ME1: variants seen among roughly 807,000 people sequenced by gnomAD.
The protein encoded by ME1 is NADP-dependent malic enzyme.
Under a neutral mutation model 66.4 loss-of-function variants are expected in ME1, and 74 were observed. The observed-to-expected ratio is 1.11, with a 90% CI of 0.92 to 1.35. The LOEUF is 1.35. Ranked by LOEUF, ME1 falls within the 40% of genes most tolerant of loss-of-function variation. The pLI, the probability that ME1 is intolerant of heterozygous loss-of-function variation, is 0.00. For synonymous variants in ME1, 251 were observed against 235.6 expected (o/e 1.07, Z -0.60); for missense variants, 750 against 694.1 (o/e 1.08, Z -0.90).
intron 6 of ME1, among the ~76,000 whole-genome samples, chr6:83,294,145 T>G (rs1305404157): frequency 6.6e-6 from 1 of 152,206 alleles, no homozygotes; most frequent in Non-Finnish European, 1.5e-5. Flanking sequence ...GAAATTCTTT[T>G]GCCACTGAAA....
chr6:83,330,573 GA>G (rs1370450889), intron 5 of ME1, among the ~76,000 whole-genome samples: 1 of 152,174 alleles, frequency 6.6e-6, no homozygotes, highest in African/African-American at 2.4e-5. Flanking sequence ...AAGTTATTTC[GA>G]ACTTGTATTA....
At chr6:83,262,213 G>A (rs1179728883) in intron 6 of ME1, among the ~76,000 whole-genome samples, 1 of 152,020 alleles carries the variant, frequency 6.6e-6, no homozygotes, top group Non-Finnish European at 1.5e-5. Flanking sequence ...ATGTGAAAGA[G>A]GGAACATCAT....
rs975818312 is a variant in ME1 at position 83,348,830 on chromosome 6, A to G, written c.439-2496T>C. 1.1e-4 allele frequency among the ~76,000 whole-genome samples: 16 copies of G among 151,824 alleles called. No homozygotes were observed. The East Asian group carries it at 3.1e-3, about 29-fold the overall frequency. On this transcript the variant is annotated intron_variant, in intron 4 of 13. Transcript: ENST00000369705. ...TGGCAAAACCCCGTTTCTACTAAAAACACAAAAATTACCTGGGCGTGGTGG... is the reference window on the plus strand; with the variant it reads ...TGGCAAAACCCCGTTTCTACTAAAAGCACAAAAATTACCTGGGCGTGGTGG...
intron 6 of ME1, among the ~76,000 whole-genome samples, chr6:83,283,460 T>C (rs1049410013): frequency 4.6e-5 from 7 of 151,832 alleles, no homozygotes; most frequent in East Asian, 1.9e-4. Flanking sequence ...TTAGGACAAA[T>C]ACCTAATGCA....
intron 6 of ME1, among the ~76,000 whole-genome samples, chr6:83,292,701 C>A (rs556682966): frequency 6.6e-6 from 1 of 152,284 alleles, no homozygotes; most frequent in East Asian, 1.9e-4. Context: ...TGTCTGCTGC[C>A]TTTTGTTCAG....
intron 6 of ME1, among the ~76,000 whole-genome samples, chr6:83,265,672 T>C (rs943531563): frequency 2.0e-5 from 3 of 152,156 alleles, no homozygotes; most frequent in Non-Finnish European, 4.4e-5. Flanking sequence ...TGTTTTATTG[T>C]GGTTGTCTGG....
rs1454521254 is a variant in ME1, at chr6:83,212,098, G to C, written c.1549-4C>G. The C allele has an allele frequency of 6.3e-7, 1 of 1,585,414 alleles. No individual in the cohort carries two copies. The highest frequency in any genetic ancestry group is 1.7e-5 in the Admixed American group (1 of 57,870). ...CTTGGTATGCATCTTTCACAATCTAGATATAAGAAAAGAATATTAATTATT... is the reference window on the plus strand; with the variant it reads ...CTTGGTATGCATCTTTCACAATCTACATATAAGAAAAGAATATTAATTATT... On this transcript the variant is annotated splice_region_variant and splice_polypyrimidine_tract_variant and intron_variant, in intron 13 of 13. Coordinates refer to ENST00000369705, the MANE Select transcript of ME1 (RefSeq NM_002395.6).
chr6:83,224,449 G>A (rs1264359180), intron 11 of ME1, among the ~76,000 whole-genome samples: 10 of 151,978 alleles, frequency 6.6e-5, no homozygotes, highest in South Asian at 2.1e-4. Context: ...TTGGGAGGCC[G>A]AGTGGGGCAG....
In ME1 at chr6:83,357,935, CTATATATATATATATATATATA is replaced by C. The variant is rs60624497; in HGVS notation, c.363-5818_363-5797del. Among the ~76,000 whole-genome samples the C allele has an allele frequency of 3.5e-3, 105 of 30,046 alleles. 1 individual carries two copies. The highest frequency in any genetic ancestry group is 9.0e-3 in the African/African-American group (77 of 8,550). The allele number at this position is 30,046 out of a possible 152,430, so 19.7% of individuals were successfully genotyped here. A position where few individuals can be genotyped will look rare whatever the true frequency, so the allele number is the denominator to read the frequency against. ...TCTCTCTCTCTCTCTCTCTCTCTCT[CTATATATATATATATATATATA>C]TATATATATATATATATTTCATTAG... is the stretch of plus-strand genomic sequence containing the variant. On this transcript the variant is annotated intron_variant, in intron 3 of 13. Transcript: ENST00000369705.
At chr6:83,245,009 A>G (rs1317285570) in intron 7 of ME1, among the ~76,000 whole-genome samples, 1 of 152,074 alleles carries the variant, frequency 6.6e-6, no homozygotes, top group East Asian at 1.9e-4. Context: ...AGCCGTTTTT[A>G]GTGGCATGCA....
At chr6:83,244,176 T>C (rs1790571727) in intron 7 of ME1, among the ~76,000 whole-genome samples, 1 of 151,960 alleles carries the variant, frequency 6.6e-6, no homozygotes, top group African/African-American at 2.4e-5. Context: ...AAAAATCTTT[T>C]CTGTGGAATC....
chr6:83,311,947 A>T (rs879705665), intron 6 of ME1, among the ~76,000 whole-genome samples: 7 of 152,090 alleles, frequency 4.6e-5, no homozygotes, highest in Non-Finnish European at 8.8e-5. Context: ...GAAACCAAAG[A>T]TGAATGACCA....
At chr6:83,240,084 A>G (rs1270920188) in intron 7 of ME1, among the ~76,000 whole-genome samples, 1 of 152,100 alleles carries the variant, frequency 6.6e-6, no homozygotes, top group African/African-American at 2.4e-5. Flanking sequence ...GGGTTTTGAA[A>G]TCTATTAATG....
At chr6:83,296,375 C>G (rs2128535796) in intron 6 of ME1, among the ~76,000 whole-genome samples, 1 of 152,320 alleles carries the variant, frequency 6.6e-6, no homozygotes, top group African/African-American at 2.4e-5. Flanking sequence ...ATGCACACAT[C>G]AATAAATGTG....
chr6:83,223,627 A>G, intron 12 of ME1, 133 bp downstream of exon 12: 1 of 777,054 alleles, frequency 1.3e-6, no homozygotes, highest in Non-Finnish European at 2.0e-6. Flanking sequence ...CTTATACTCC[A>G]CTGGGAAGTT....
intron 7 of ME1, among the ~76,000 whole-genome samples, chr6:83,245,146 G>A (rs1790594238): frequency 6.6e-6 from 1 of 152,030 alleles, no homozygotes; most frequent in South Asian, 2.1e-4. Flanking sequence ...TGAGGATGGA[G>A]ATGGGGTGGG....
At chr6:83,222,350 C>T (rs901097618) in intron 12 of ME1, among the ~76,000 whole-genome samples, 4 of 152,084 alleles carry the variant, frequency 2.6e-5, no homozygotes, top group South Asian at 2.1e-4. Flanking sequence ...AGAATGACAC[C>T]GGGTGCTAGC....
intron 3 of ME1, among the ~76,000 whole-genome samples, chr6:83,387,092 T>A (rs1327800310): frequency 6.6e-6 from 1 of 152,194 alleles, no homozygotes; most frequent in African/African-American, 2.4e-5. Context: ...TGAAACCATG[T>A]TTCTTTTCCA....
At chr6:83,346,070 C>CA in intron 5 of ME1, 103 bp downstream of exon 5, 1 of 941,460 alleles carries the variant, frequency 1.1e-6, no homozygotes, top group South Asian at 2.4e-5. Flanking sequence ...GAGAACCAGA[C>CA]AAAAAAGAAT....
Sources: gnomAD v4.1 joint callset for allele counts (sites outside exome capture counted in the v4.1 genomes callset) on GRCh38, gnomAD v4.1.1 for gene constraint, MANE v1.5 for transcripts, NCBI Gene and HGNC (gene_info 2026-07-23, HGNC 2026-07-21) for gene names.